MSI2: variants seen among roughly 807,000 people sequenced by gnomAD.
MSI2 encodes musashi RNA binding protein 2, also known as RNA-binding protein Musashi homolog 2.
Under a neutral mutation model 45.6 loss-of-function variants are expected in MSI2, and 17 were observed. The ratio of observed to expected loss-of-function variants is 0.37; its 90% CI spans 0.26 to 0.56. MSI2 has a LOEUF of 0.56. MSI2 is among the 20% of genes least tolerant of loss of function. The pLI, the probability that MSI2 is intolerant of heterozygous loss-of-function variation, is 0.77. For synonymous variants in MSI2, 156 were observed against 158.2 expected, an observed-to-expected ratio of 0.99 and a Z score of 0.11; for missense variants, 293 against 444.2, an observed-to-expected ratio of 0.66 and a Z score of 3.06.
At chr17:57,619,964 C>A (rs1419302336) in intron 9 of MSI2, among the ~76,000 whole-genome samples, 3 of 152,206 alleles carry the variant, frequency 2.0e-5, no homozygotes, top group African/African-American at 7.2e-5. Flanking sequence ...AAGGCCTTTG[C>A]CTTTTGCCTG....
chr17:57,526,755 C>T (rs1009838064), intron 6 of MSI2, among the ~76,000 whole-genome samples: 4 of 152,174 alleles, frequency 2.6e-5, no homozygotes, highest in East Asian at 3.9e-4. Context: ...ATTTTTCTCC[C>T]GTTTCTCTTT....
At chr17:57,332,263 G>T (rs1045819114) in intron 5 of MSI2, among the ~76,000 whole-genome samples, 6 of 152,136 alleles carry the variant, frequency 3.9e-5, no homozygotes. Context: ...ACCACATCTG[G>T]CTAATTTTTG....
intron 6 of MSI2, among the ~76,000 whole-genome samples, chr17:57,413,520 G>A (rs1316201452): frequency 6.6e-6 from 1 of 151,718 alleles, no homozygotes; most frequent in Non-Finnish European, 1.5e-5. Flanking sequence ...AACTTTTTTT[G>A]GTAACGGATA....
intron 7 of MSI2, among the ~76,000 whole-genome samples, chr17:57,551,109 C>G (rs1055123026): frequency 1.3e-5 from 2 of 152,124 alleles, no homozygotes; most frequent in African/African-American, 4.8e-5. Flanking sequence ...TTCAAAGTGG[C>G]TTAGAACTCA....
chr17:57,522,528 G>A (rs2086612184), intron 6 of MSI2: 2 of 152,200 alleles, frequency 1.3e-5, no homozygotes, highest in African/African-American at 2.4e-5. Context: ...CTCTGGAGCA[G>A]CCTCACAGCA....
chr17:57,331,282 A>T (rs1044097502), intron 5 of MSI2, among the ~76,000 whole-genome samples: 1 of 152,176 alleles, frequency 6.6e-6, no homozygotes. Context: ...CCCAGGACAC[A>T]CTGTCCAGTC....
chr17:57,400,973 C>T (rs1473949822), intron 5 of MSI2, among the ~76,000 whole-genome samples: 1 of 152,142 alleles, frequency 6.6e-6, no homozygotes. Flanking sequence ...ACTTTTGAAT[C>T]GTGTGCATTT....
At chr17:57,438,103 C>T (rs1224542234) in intron 6 of MSI2, among the ~76,000 whole-genome samples, 3 of 152,198 alleles carry the variant, frequency 2.0e-5, no homozygotes, top group Middle Eastern at 3.2e-3. Context: ...GCAGCCTCCA[C>T]CTCCCAGCGC....
At chr17:57,287,118 G>A (rs932360908) in intron 5 of MSI2, among the ~76,000 whole-genome samples, 18 of 143,096 alleles carry the variant, frequency 1.3e-4, no homozygotes, top group Non-Finnish European at 6.1e-5. Context: ...CAAATAAGTG[G>A]TCTCAAAAAG....
intron 9 of MSI2, chr17:57,616,306 T>A: frequency 2.4e-6 from 1 of 421,330 alleles, no homozygotes; most frequent in Non-Finnish European, 4.2e-6. Context: ...TGTGTGTGTT[T>A]GTATTTATAA....
At chr17:57,665,078 T>TGGGAGGTG (rs1235454925) in intron 11 of MSI2, among the ~76,000 whole-genome samples, 1 of 152,174 alleles carries the variant, frequency 6.6e-6, no homozygotes. Context: ...CTCCTCTAAC[T>TGGGAGGTG]GGGAGGTGGG....
Position 57,596,501 on chromosome 17 carries a change from C to T in MSI2, c.455-367C>T, listed in dbSNP as rs1407929382. 6.6e-6 allele frequency among the ~76,000 whole-genome samples: 1 copy of T among 152,234 alleles called. No homozygotes were observed. Among genetic ancestry groups the T allele is most frequent in the African/African-American group, 2.4e-5 (1 of 41,462 alleles). The stretch of plus-strand genomic sequence containing the variant: ...CAGGGCTGCTCGCGGAAAGGGCAAG[C>T]GTGGCCCCGCAGTGATCCACGAGGC... On this transcript the variant is annotated intron_variant, in intron 7 of 13. Coordinates refer to ENST00000284073, the MANE Select transcript of MSI2 (RefSeq NM_138962.4). The surrounding 1 kb of genome is among the most constrained non-coding windows in gnomAD (Gnocchi z 4.6).
intron 11 of MSI2, chr17:57,671,455 G>T (rs915345881): frequency 6.6e-6 from 1 of 152,176 alleles, no homozygotes; most frequent in East Asian, 1.9e-4. Flanking sequence ...GCTGATCCTG[G>T]TATATGGGAC....
intron 6 of MSI2, among the ~76,000 whole-genome samples, chr17:57,431,516 G>A (rs936743257): frequency 1.3e-4 from 20 of 152,270 alleles, no homozygotes; most frequent in South Asian, 4.1e-4. Context: ...TGGTCGGTGC[G>A]GCATGTCTTT....
intron 5 of MSI2, among the ~76,000 whole-genome samples, chr17:57,322,712 T>C (rs1226980850): frequency 6.6e-6 from 1 of 152,138 alleles, no homozygotes; most frequent in Non-Finnish European, 1.5e-5. Flanking sequence ...GGGACAAGTA[T>C]TGGGTTTTCT....
chr17:57,657,640 A>C (rs1228294626), intron 11 of MSI2, among the ~76,000 whole-genome samples: 1 of 152,206 alleles, frequency 6.6e-6, no homozygotes, highest in African/African-American at 2.4e-5. Flanking sequence ...AGGAGAATAG[A>C]TCTCAAGAAG....
Position 57,396,659 on chromosome 17 carries a change from T to C in MSI2, c.313-4720T>C, listed in dbSNP as rs543965805. On this transcript the variant is annotated intron_variant, in intron 5 of 13. Coordinates refer to ENST00000284073, the MANE Select transcript of MSI2 (RefSeq NM_138962.4). Reference sequence around the variant, plus strand: ...CAATTTTCCAAACGGGAATGGGTGCTGGGGTTTTCTTTATGGAGCCAAGGG... The same window carrying C: ...CAATTTTCCAAACGGGAATGGGTGCCGGGGTTTTCTTTATGGAGCCAAGGG... Among the ~76,000 whole-genome samples the C allele has an allele frequency of 4.6e-5, 7 of 152,318 alleles. No homozygotes were observed. The South Asian group carries it at 1.2e-3, about 27-fold the overall frequency.
chr17:57,679,696 A>G lies in MSI2; in HGVS notation c.*179A>G, dbSNP rs1913485435. 1.5e-6 allele frequency: 1 copy of G among 689,480 alleles called. No individual in the cohort carries two copies. The highest frequency in any genetic ancestry group is 1.9e-6 in the Non-Finnish European group (1 of 535,374). 42.7% of individuals were successfully genotyped at this position (689,480 alleles called of 1,614,324 possible). On this transcript the variant is annotated 3_prime_UTR_variant, in exon 14 of 14. Transcript: ENST00000284073. ...TCGGATCGAGGGTTGACTACATCTC[A>G]TCATCTCACGAATCTGCTGTAATAT...
At chr17:57,632,101 G>A in intron 10 of MSI2, 1 of 1,255,688 alleles carries the variant, frequency 8.0e-7, no homozygotes, top group Non-Finnish European at 1.0e-6. Flanking sequence ...AATGTAACGG[G>A]GCCAGAGGGA....
Sources: allele counts gnomAD v4.1 joint callset (sites outside exome capture counted in the v4.1 genomes callset), GRCh38; gene constraint gnomAD v4.1.1; non-coding constraint Gnocchi (gnomAD v3.1); transcripts MANE v1.5; gene names NCBI Gene and HGNC (gene_info 2026-07-23, HGNC 2026-07-21).